The following ABCC3 variants were observed in gnomAD, a reference collection of about 807,000 sequenced individuals.
The protein encoded by ABCC3 is ATP-binding cassette sub-family C member 3.
A neutral mutation model predicts 165.3 loss-of-function variants in ABCC3; 121 were observed. The observed-to-expected ratio is 0.73, with a 90% CI of 0.63 to 0.85. The LOEUF (loss-of-function observed/expected upper bound fraction) is 0.85. Ranked by LOEUF, ABCC3 falls within the 40% of genes least tolerant of loss-of-function variation. The probability of loss-of-function intolerance (pLI) is 0.00; values close to 1 mark genes in which losing one functional copy is unlikely to be tolerated. For synonymous variants in ABCC3, 733 were observed against 810.1 expected, an observed-to-expected ratio of 0.90 and a Z score of 1.62; for missense variants, 1,869 against 1,964.1, an observed-to-expected ratio of 0.95 and a Z score of 0.92.
chr17:50,667,598 T>A lies in ABCC3; in HGVS notation c.1476T>A (p.Ser492Arg). 1.2e-6 allele frequency: 2 copies of A among 1,613,284 alleles called. No individual in the cohort carries two copies. Among genetic ancestry groups the A allele is most frequent in the Non-Finnish European group, 1.7e-6 (2 of 1,179,338 alleles). The part of the protein sequence containing the change: ...KLKDSRIKLM[S>R]EILNGIKVLK... Reference sequence around the variant, plus strand: ...AGGACTCGCGCATCAAGCTGATGAGTGAGATCCTGAACGGCATCAAGGTGC... The same window carrying A: ...AGGACTCGCGCATCAAGCTGATGAGAGAGATCCTGAACGGCATCAAGGTGC... The change falls in exon 12 of 31, where the codon AGT becomes AGA. Residue 492 changes from serine (S) to arginine (R), a missense_variant. Transcript: ENST00000285238.
rs1047746929 is a variant in ABCC3 at position 50,669,168 on chromosome 17, C to T, written c.1966C>T (p.Leu656=). ...AGACATCCAGGTCCCGAAAGGGGCA[C>T]TGGTGGCCGTGGTGGGGCCTGTGGG... ...SLDIQVPKGA[L]VAVVGPVGCG... Residue 656 remains leucine (L), a synonymous_variant, in exon 16 of 31, where the codon CTG becomes TTG. Coordinates refer to ENST00000285238, the MANE Select transcript of ABCC3 (RefSeq NM_003786.4). 6 of 1,603,590 alleles carry T rather than the reference C, an allele frequency of 3.7e-6. No homozygotes were observed. The African/African-American group carries it at 4.1e-5, about 11-fold the overall frequency.
intron 1 of ABCC3, chr17:50,635,417 G>T: frequency 1.4e-6 from 1 of 696,866 alleles, no homozygotes. Flanking sequence ...GGCATGGATT[G>T]CCCCCAGGGC....
chr17:50,674,052 C>T (rs191224138), intron 19 of ABCC3, among the ~76,000 whole-genome samples: 4 of 48,906 alleles, frequency 8.2e-5, no homozygotes, highest in African/African-American at 2.7e-4. Flanking sequence ...TTCTTTCTTT[C>T]TTTCTTTCTT....
At chr17:50,666,553 T>A (rs1279471590) in intron 11 of ABCC3, among the ~76,000 whole-genome samples, 3 of 152,200 alleles carry the variant, frequency 2.0e-5, no homozygotes, top group Non-Finnish European at 4.4e-5. Context: ...ATCACCTCAT[T>A]ACTTTCTTAC....
chr17:50,668,559 C>A, intron 14 of ABCC3, 42 bp downstream of exon 14: 1 of 1,504,988 alleles, frequency 6.6e-7, no homozygotes, highest in Non-Finnish European at 9.2e-7. Context: ...CCAGTCCTTG[C>A]TCCAGAAAAA....
rs761327341 is a variant in ABCC3 at position 50,667,771 on chromosome 17, C to G, written c.1635+14C>G. ...AGCCCCTTCCTGGTGAGGCTTGGCA[C>G]AGGGCTGGGTCCCTGCCTCCAGGGC... On this transcript the variant is annotated intron_variant, in intron 12 of 30. Transcript: ENST00000285238. The G allele has an allele frequency of 6.2e-7, 1 of 1,614,126 alleles. No individual in the cohort carries two copies. The highest frequency in any genetic ancestry group is 1.7e-5 in the Admixed American group (1 of 60,032).
chr17:50,671,310 AG>A (rs2146624834), intron 17 of ABCC3, among the ~76,000 whole-genome samples: 1 of 152,106 alleles, frequency 6.6e-6, no homozygotes, highest in South Asian at 2.1e-4. Flanking sequence ...TGTACAGTTC[AG>A]CAATGTTAAG....
chr17:50,641,108 CCG>C (rs2054227578), intron 1 of ABCC3, among the ~76,000 whole-genome samples: 1 of 152,234 alleles, frequency 6.6e-6, no homozygotes, highest in Non-Finnish European at 1.5e-5. Flanking sequence ...TCCTCACCCC[CCG>C]CCCCCATCGC....
At chr17:50,653,344 CAAAAA>C (rs1298179994) in intron 1 of ABCC3, among the ~76,000 whole-genome samples, 1 of 47,756 alleles carries the variant, frequency 2.1e-5, no homozygotes, top group Admixed American at 2.3e-4. Context: ...GAGACTGTCT[CAAAAA>C]AAAAAAAAAA....
intron 26 of ABCC3, 87 bp downstream of exon 26, chr17:50,679,986 G>A (rs1182986202): frequency 2.1e-6 from 2 of 970,922 alleles, no homozygotes; most frequent in African/African-American, 1.6e-5. Flanking sequence ...CAACATCAGG[G>A]CCTGCCACGT....
intron 22 of ABCC3, 79 bp downstream of exon 22, chr17:50,676,169 T>C: frequency 6.3e-7 from 1 of 1,597,228 alleles, no homozygotes; most frequent in African/African-American, 1.3e-5. Flanking sequence ...ACCGTGCCCT[T>C]GCATCCAAGC....
chr17:50,681,179 C>T (rs1451247596), intron 26 of ABCC3, among the ~76,000 whole-genome samples: 2 of 152,122 alleles, frequency 1.3e-5, no homozygotes, highest in East Asian at 3.8e-4. Flanking sequence ...AGCCCATGTT[C>T]TCACGTTCAG....
In ABCC3 at chr17:50,669,349, C is replaced by A. The variant is rs748496985; in HGVS notation, c.2065-3C>A. 6.2e-7 allele frequency: 1 copy of A among 1,614,186 alleles called. No homozygotes were observed. Among genetic ancestry groups the A allele is most frequent in the Non-Finnish European group, 8.5e-7 (1 of 1,180,022 alleles). On this transcript the variant is annotated splice_region_variant and splice_polypyrimidine_tract_variant and intron_variant, in intron 16 of 30. Coordinates refer to ENST00000285238, the MANE Select transcript of ABCC3 (RefSeq NM_003786.4). The stretch of plus-strand genomic sequence containing the variant: ...CCCCGAGGTAAATTTCTCCTGTGGC[C>A]AGGGCTCCGTGGCCTATGTGCCCCA...
intron 14 of ABCC3, 42 bp downstream of exon 14, chr17:50,668,559 C>T (rs1967574807): frequency 5.3e-6 from 8 of 1,504,872 alleles, no homozygotes; most frequent in Non-Finnish European, 6.4e-6. Flanking sequence ...CCAGTCCTTG[C>T]TCCAGAAAAA....
chr17:50,635,483 C>T, intron 1 of ABCC3: 1 of 702,598 alleles, frequency 1.4e-6, no homozygotes, highest in Non-Finnish European at 2.6e-6. Flanking sequence ...CAGTGTCCCA[C>T]CCTTCTTAGG....
intron 29 of ABCC3, among the ~76,000 whole-genome samples, chr17:50,686,430 G>T (rs1246199167): frequency 6.6e-6 from 1 of 151,952 alleles, no homozygotes; most frequent in African/African-American, 2.4e-5. Flanking sequence ...ATTCCCCAAG[G>T]CCCCTCATTA....
chr17:50,658,618 A>G, intron 6 of ABCC3, 122 bp downstream of exon 6: 3 of 1,078,290 alleles, frequency 2.8e-6, no homozygotes, highest in Non-Finnish European at 4.3e-6. Context: ...CCCCCACCGC[A>G]GTGGGCACAG....
intron 18 of ABCC3, 156 bp downstream of exon 18, chr17:50,673,294 C>A: frequency 1.6e-6 from 2 of 1,215,788 alleles, no homozygotes; most frequent in South Asian, 2.9e-5. Context: ...GTGGGGACAA[C>A]TCCCCCACCT....
At chr17:50,647,013 G>C (rs1967013586) in intron 1 of ABCC3, among the ~76,000 whole-genome samples, 1 of 152,150 alleles carries the variant, frequency 6.6e-6, no homozygotes, top group Non-Finnish European at 1.5e-5. Flanking sequence ...CGAGTAGCTG[G>C]GATTACAGGT....
Sources: allele counts gnomAD v4.1 joint callset (sites outside exome capture counted in the v4.1 genomes callset), GRCh38; gene constraint gnomAD v4.1.1; transcripts MANE v1.5; gene names NCBI Gene and HGNC (gene_info 2026-07-23, HGNC 2026-07-21).